The following TRAF2 variants were observed in gnomAD, a reference collection of about 807,000 sequenced individuals.
The protein encoded by TRAF2 is TNF receptor associated factor 2, also known as TNF receptor-associated factor 2.
A neutral mutation model predicts 55.6 loss-of-function variants in TRAF2; 6 were observed. The observed-to-expected ratio is 0.11, with a 90% CI of 0.06 to 0.21. TRAF2 has a LOEUF of 0.21. Among genes scored for constraint, TRAF2 ranks in the 10% least tolerant of loss-of-function variants. TRAF2 has a pLI of 1.00. For synonymous variants in TRAF2, 329 were observed against 276.3 expected (o/e 1.19, Z -1.89); for missense variants, 561 against 684.5 (o/e 0.82, Z 2.01).
intron 4 of TRAF2, among the ~76,000 whole-genome samples, chr9:136,907,528 C>G (rs2131305736): frequency 6.6e-6 from 1 of 152,350 alleles, no homozygotes; most frequent in Non-Finnish European, 1.5e-5. Flanking sequence ...GCTTGTGCCT[C>G]AGGCCTTTGC....
chr9:136,900,579 G>A lies in TRAF2; in HGVS notation c.366+59G>A, dbSNP rs1188129235. 5.1e-6 allele frequency: 7 copies of A among 1,377,544 alleles called. No homozygotes were observed. The Admixed American group carries it at 8.7e-5, about 17-fold the overall frequency. 85.3% of individuals were successfully genotyped at this position (1,377,544 alleles called of 1,614,324 possible). On this transcript the variant is annotated intron_variant, in intron 4 of 10. Transcript: ENST00000247668. ...GCTCCAGCAGTCGGGAGTCGTCCACGCTCCCCAAGCAGTTATGACCTTGTC... is the reference window on the plus strand; with the variant it reads ...GCTCCAGCAGTCGGGAGTCGTCCACACTCCCCAAGCAGTTATGACCTTGTC...
At chr9:136,905,851 TC>T (rs1447895610) in intron 4 of TRAF2, among the ~76,000 whole-genome samples, 1 of 152,164 alleles carries the variant, frequency 6.6e-6, no homozygotes, top group East Asian at 1.9e-4. Flanking sequence ...ACACCTGTAA[TC>T]CCAGCACTTT....
At chr9:136,912,152 C>CTTTTTTTTTTTTTTTT (rs1180324647) in intron 6 of TRAF2, among the ~76,000 whole-genome samples, 10 of 58,332 alleles carry the variant, frequency 1.7e-4, no homozygotes, top group African/African-American at 4.5e-4. Flanking sequence ...GCGTCTGGCC[C>CTTTTTTTTTTTTTTTT]TTTTTTTTTT....
At position 136,919,964 on chromosome 9, in the gene TRAF2, C is replaced by T. The variant is rs892331704; in HGVS notation, c.679-270C>T. ...AACTCCTGGGCCCAAATGATCCTCC[C>T]GCTTTGGCCTTCTGAAGTGCTGGAA... On this transcript the variant is annotated intron_variant, in intron 7 of 10. Coordinates refer to ENST00000247668, the MANE Select transcript of TRAF2 (RefSeq NM_021138.4). 1.3e-5 allele frequency among the ~76,000 whole-genome samples: 2 copies of T among 152,320 alleles called. 1 individual carries two copies. Among genetic ancestry groups the T allele is most frequent in the South Asian group, 4.1e-4 (2 of 4,828 alleles).
At position 136,926,416 on chromosome 9, in the gene TRAF2, A is replaced by T. The variant is rs944830307; in HGVS notation, c.*515A>T. ...CCTGGAGAGAAGGGAGCATTCCTAG[A>T]CCCCTGGGTGCTTGTCTGCACAGAG... On this transcript the variant is annotated 3_prime_UTR_variant, in exon 11 of 11. Coordinates refer to ENST00000247668, the MANE Select transcript of TRAF2 (RefSeq NM_021138.4). 2 of 300,568 alleles carry T rather than the reference A, an allele frequency of 6.7e-6. No homozygotes were observed. Among genetic ancestry groups the T allele is most frequent in the Non-Finnish European group, 1.3e-5 (2 of 150,576 alleles). The allele number at this position is 300,568 out of a possible 1,614,324, so 18.6% of individuals were successfully genotyped here.
At chr9:136,914,213 C>T (rs1850187793) in intron 6 of TRAF2, among the ~76,000 whole-genome samples, 3 of 152,212 alleles carry the variant, frequency 2.0e-5, no homozygotes, top group Non-Finnish European at 2.9e-5. Flanking sequence ...GCCCAGCTGG[C>T]TTCCAGTTCC....
chr9:136,882,155 C>T (rs1337329242), upstream of TRAF2: 1 of 631,786 alleles, frequency 1.6e-6, no homozygotes, highest in Non-Finnish European at 2.0e-6. Flanking sequence ...TCTGTCGTCC[C>T]AAGACCTGAG....
chr9:136,911,461 T>C (rs1347585359), intron 6 of TRAF2, among the ~76,000 whole-genome samples: 1 of 152,090 alleles, frequency 6.6e-6, no homozygotes, highest in African/African-American at 2.4e-5. Context: ...ATGGGGTTTC[T>C]CCATGTTGGT....
upstream of TRAF2, chr9:136,882,559 C>A: frequency 1.8e-6 from 1 of 564,672 alleles, no homozygotes; most frequent in Non-Finnish European, 2.2e-6. Flanking sequence ...CCCCCATCCT[C>A]AGGCAGTGAG....
chr9:136,919,676 C>CGT (rs1850335587), intron 7 of TRAF2, among the ~76,000 whole-genome samples: 2 of 32,028 alleles, frequency 6.2e-5, no homozygotes, highest in Non-Finnish European at 5.9e-5. Context: ...TTCTTTCCCT[C>CGT]CCCTTCTTCC....
At chr9:136,910,067 G>A in intron 6 of TRAF2, 73 bp downstream of exon 6, 1 of 1,488,354 alleles carries the variant, frequency 6.7e-7, no homozygotes, top group Non-Finnish European at 9.2e-7. Context: ...CCCGTGGGTG[G>A]GGGTGGGGCA....
intron 4 of TRAF2, 85 bp downstream of exon 4, chr9:136,900,605 C>G: frequency 9.4e-7 from 1 of 1,068,746 alleles, no homozygotes; most frequent in Non-Finnish European, 1.4e-6. Context: ...TGACCTTGTC[C>G]TGCACGTTCC....
chr9:136,909,051 AG>A (rs1378688901), intron 5 of TRAF2, among the ~76,000 whole-genome samples: 2 of 150,470 alleles, frequency 1.3e-5, no homozygotes, highest in Non-Finnish European at 3.0e-5. Flanking sequence ...AAAAAAAAAA[AG>A]AAAAAAAATT....
chr9:136,898,602 CAG>C, intron 1 of TRAF2, 109 bp from the exon 2 acceptor site: 1 of 1,494,344 alleles, frequency 6.7e-7, no homozygotes, highest in Non-Finnish European at 8.9e-7. Context: ...GACCGCAGGT[CAG>C]TGGGGACCCG....
At chr9:136,922,724 AGGACGG>A (rs1300680576) in intron 9 of TRAF2, among the ~76,000 whole-genome samples, 5 of 100,316 alleles carry the variant, frequency 5.0e-5, no homozygotes, top group Admixed American at 1.2e-4. Flanking sequence ...CACGTGGTGG[AGGACGG>A]GGACGGGGAG....
chr9:136,897,160 T>C (rs1302428084), intron 1 of TRAF2, among the ~76,000 whole-genome samples: 3 of 87,924 alleles, frequency 3.4e-5, no homozygotes, highest in Non-Finnish European at 6.9e-5. Context: ...GTGGAGTCTC[T>C]GCCCGGGACG....
chr9:136,906,642 CA>C (rs971617819), intron 4 of TRAF2, among the ~76,000 whole-genome samples: 1 of 152,036 alleles, frequency 6.6e-6, no homozygotes, highest in Non-Finnish European at 1.5e-5. Context: ...GACCCTGTCT[CA>C]AAAAACAAAA....
At position 136,911,264 on chromosome 9, in the gene TRAF2, CTTTTTTT is replaced by C. The variant is rs34077067; in HGVS notation, c.603+1284_603+1290del. Among the ~76,000 whole-genome samples the C allele has an allele frequency of 7.4e-4, 91 of 122,538 alleles. 1 individual carries two copies. The highest frequency in any genetic ancestry group is 2.8e-3 in the African/African-American group (88 of 31,664). The allele number at this position is 122,538 out of a possible 152,430, so 80.4% of individuals were successfully genotyped here. Reference sequence around the variant, plus strand: ...CATGGTGCATTTTCATCCTTCCCGTCTTTTTTTTTTTTTTTTTTTTGGAGACAGAGTT... The same window carrying C: ...CATGGTGCATTTTCATCCTTCCCGTCTTTTTTTTTTTTTGGAGACAGAGTT... On this transcript the variant is annotated intron_variant, in intron 6 of 10. Coordinates refer to ENST00000247668, the MANE Select transcript of TRAF2 (RefSeq NM_021138.4).
upstream of TRAF2, among the ~76,000 whole-genome samples, chr9:136,885,660 C>T (rs1269700075): frequency 1.3e-5 from 2 of 152,004 alleles, no homozygotes; most frequent in African/African-American, 4.8e-5. Context: ...CCCAGCTACT[C>T]GGGAGGCTGA....
Sources: allele counts gnomAD v4.1 joint callset (sites outside exome capture counted in the v4.1 genomes callset), GRCh38; gene constraint gnomAD v4.1.1; transcripts MANE v1.5; gene names NCBI Gene and HGNC (gene_info 2026-07-23, HGNC 2026-07-21).